Variants in DNAJC8 observed in about 807,000 individuals in gnomAD.
The protein encoded by DNAJC8 is DnaJ heat shock protein family (Hsp40) member C8.
In DNAJC8, 24 loss-of-function variants were observed where a neutral mutation model predicts 43.2. The ratio of observed to expected loss-of-function variants is 0.56; its 90% CI spans 0.40 to 0.78. The LOEUF (loss-of-function observed/expected upper bound fraction) is 0.78. Among genes scored for constraint, DNAJC8 ranks in the 30% least tolerant of loss-of-function variants. DNAJC8 has a pLI of 0.00. For missense variants in DNAJC8, 207 were observed against 299.4 expected (o/e 0.69, Z 2.28); for synonymous variants, 83 against 98.0 (o/e 0.85, Z 0.90).
At chr1:28,212,212 T>TATATATAC (rs1553167926) in intron 3 of DNAJC8, among the ~76,000 whole-genome samples, 2 of 116,632 alleles carry the variant, frequency 1.7e-5, no homozygotes, top group Admixed American at 1.9e-4. Flanking sequence ...TATATATATA[T>TATATATAC]ATAAATGAAA....
intron 2 of DNAJC8, among the ~76,000 whole-genome samples, chr1:28,221,907 C>T (rs1646900967): frequency 6.6e-6 from 1 of 152,018 alleles, no homozygotes; most frequent in African/African-American, 2.4e-5. Flanking sequence ...ACCATTCAGC[C>T]TTAAAAAGAA....
chr1:28,214,395 G>A (rs888040657), intron 3 of DNAJC8, among the ~76,000 whole-genome samples: 2 of 152,096 alleles, frequency 1.3e-5, no homozygotes, highest in African/African-American at 4.8e-5. Context: ...TTAGCCGGGT[G>A]TGGTGGCATG....
At chr1:28,208,247 T>C (rs975751581) in intron 6 of DNAJC8, 95 bp downstream of exon 6, 35 of 795,242 alleles carry the variant, frequency 4.4e-5, no homozygotes, top group African/African-American at 8.7e-5. Flanking sequence ...TGAAATAGCA[T>C]ATATTCATCA....
chr1:28,212,743 G>T (rs951184786), intron 3 of DNAJC8, among the ~76,000 whole-genome samples: 10 of 152,100 alleles, frequency 6.6e-5, no homozygotes, highest in Non-Finnish European at 1.5e-4. Context: ...GAGAACAAAT[G>T]GGAATCTAAC....
intron 2 of DNAJC8, 144 bp downstream of exon 2, chr1:28,228,778 A>G (rs902860962): frequency 5.3e-5 from 35 of 658,478 alleles, no homozygotes; most frequent in Non-Finnish European, 7.7e-5. Context: ...TCAATTTTGT[A>G]CTATACAGAT....
At chr1:28,217,117 A>C (rs914189719) in intron 2 of DNAJC8, among the ~76,000 whole-genome samples, 7 of 150,264 alleles carry the variant, frequency 4.7e-5, no homozygotes, top group Admixed American at 2.0e-4. Context: ...CTTAAGCAAC[A>C]CTTCTTTAAA....
chr1:28,215,735 C>T (rs574594476), intron 2 of DNAJC8, among the ~76,000 whole-genome samples: 2 of 152,150 alleles, frequency 1.3e-5, no homozygotes, highest in South Asian at 4.2e-4. Context: ...CAGGGTTTCT[C>T]CATGTTGGTC....
At chr1:28,214,825 C>T in intron 3 of DNAJC8, 115 bp downstream of exon 3, 1 of 726,932 alleles carries the variant, frequency 1.4e-6, no homozygotes, top group Non-Finnish European at 2.1e-6. Flanking sequence ...GTTACACAGC[C>T]TTAAAAAAAA....
At chr1:28,203,093 T>C (rs1231283143) in intron 8 of DNAJC8, among the ~76,000 whole-genome samples, 3 of 152,192 alleles carry the variant, frequency 2.0e-5, no homozygotes, top group Non-Finnish European at 4.4e-5. Flanking sequence ...CCTAGCGAGT[T>C]GTGTAGGGGT....
chr1:28,223,138 C>G (rs930413899), intron 2 of DNAJC8, among the ~76,000 whole-genome samples: 2 of 152,030 alleles, frequency 1.3e-5, no homozygotes, highest in African/African-American at 4.8e-5. Flanking sequence ...AGTAGGGCAT[C>G]CAGTGTGAAA....
At chr1:28,204,328 G>A (rs927607862) in intron 7 of DNAJC8, among the ~76,000 whole-genome samples, 3 of 151,902 alleles carry the variant, frequency 2.0e-5, no homozygotes, top group South Asian at 2.1e-4. Context: ...TGCCTGTAAC[G>A]CCAGCACTTT....
At chr1:28,215,319 C>A (rs1195629330) in intron 2 of DNAJC8, among the ~76,000 whole-genome samples, 3 of 152,058 alleles carry the variant, frequency 2.0e-5, no homozygotes, top group Non-Finnish European at 2.9e-5. Flanking sequence ...GAGTTTAACT[C>A]CCCCTCCCTT....
intron 2 of DNAJC8, among the ~76,000 whole-genome samples, chr1:28,222,410 C>T (rs1646904596): frequency 6.9e-6 from 1 of 145,826 alleles, no homozygotes; most frequent in Non-Finnish European, 1.5e-5. Flanking sequence ...TGCTTGAATC[C>T]AGGTGGCGGA....
At chr1:28,227,304 G>T (rs1476000005) in intron 2 of DNAJC8, among the ~76,000 whole-genome samples, 2 of 148,580 alleles carry the variant, frequency 1.3e-5, no homozygotes, top group Non-Finnish European at 3.0e-5. Flanking sequence ...AGCTACTCGG[G>T]AGGCTGAGGC....
At chr1:28,219,409 T>C (rs567968805) in intron 2 of DNAJC8, among the ~76,000 whole-genome samples, 1 of 152,252 alleles carries the variant, frequency 6.6e-6, no homozygotes, top group Non-Finnish European at 1.5e-5. Context: ...CTCAGGAAGC[T>C]GAGGCAAGAG....
At chr1:28,204,964 A>G (rs1646759232) in intron 7 of DNAJC8, among the ~76,000 whole-genome samples, 1 of 152,218 alleles carries the variant, frequency 6.6e-6, no homozygotes, top group African/African-American at 2.4e-5. Context: ...TGGAGGTTGC[A>G]GTGAGCCAAG....
chr1:28,205,901 T>C (rs1646765181), intron 6 of DNAJC8, among the ~76,000 whole-genome samples: 1 of 151,926 alleles, frequency 6.6e-6, no homozygotes, highest in South Asian at 2.1e-4. Context: ...AAACAAAAAT[T>C]AGCGGGGCAT....
chr1:28,208,480 A>C (rs1646786087), intron 5 of DNAJC8, 67 bp from the exon 6 acceptor site: 1 of 1,132,748 alleles, frequency 8.8e-7, no homozygotes, highest in African/African-American at 1.6e-5. Context: ...TGGGCTGTAC[A>C]CATACAATAT....
intron 2 of DNAJC8, among the ~76,000 whole-genome samples, chr1:28,228,717 A>G (rs1646954362): frequency 6.6e-6 from 1 of 152,204 alleles, no homozygotes; most frequent in Non-Finnish European, 1.5e-5. Context: ...ATCCCAAAAA[A>G]ATCCAAAATC....
Sources: gnomAD v4.1 joint callset for allele counts (sites outside exome capture counted in the v4.1 genomes callset) on GRCh38, gnomAD v4.1.1 for gene constraint, MANE v1.5 for transcripts, NCBI Gene and HGNC (gene_info 2026-07-23, HGNC 2026-07-21) for gene names.